Variants in RNPC3 observed in about 807,000 individuals in gnomAD.
RNPC3 encodes RNA binding region (RNP1, RRM) containing 3.
A neutral mutation model predicts 67.5 loss-of-function variants in RNPC3; 48 were observed. That is an observed-to-expected ratio of 0.71 (90% CI 0.56 to 0.90). The LOEUF is 0.90. Ranked by LOEUF, RNPC3 falls within the 40% of genes least tolerant of loss-of-function variation. The pLI, the probability that RNPC3 is intolerant of heterozygous loss-of-function variation, is 0.00. For synonymous variants in RNPC3, 239 were observed against 210.3 expected (o/e 1.14, Z -1.18); for missense variants, 637 against 626.1 (o/e 1.02, Z -0.19).
chr1:103,533,118 T>C (rs1025187172), intron 2 of RNPC3, among the ~76,000 whole-genome samples: 12 of 151,840 alleles, frequency 7.9e-5, no homozygotes, highest in Non-Finnish European at 1.5e-4. Context: ...GATGAGAGGA[T>C]GGAATTTAGT....
chr1:103,533,914 T>A (rs1650923970), intron 3 of RNPC3, 57 bp downstream of exon 3: 2 of 921,050 alleles, frequency 2.2e-6, no homozygotes, highest in Admixed American at 4.3e-5. Flanking sequence ...TGTGTTTTTT[T>A]AAATCAGTTA....
At chr1:103,541,300 C>T (rs1321326950) in intron 7 of RNPC3, 50 bp from the exon 8 acceptor site, 3 of 1,378,100 alleles carry the variant, frequency 2.2e-6, no homozygotes, top group African/African-American at 1.5e-5. Context: ...TGGTAAATAG[C>T]TATGCTTCTA....
chr1:103,542,183 A>G (rs762157111), intron 8 of RNPC3, among the ~76,000 whole-genome samples: 1 of 152,056 alleles, frequency 6.6e-6, no homozygotes, highest in Non-Finnish European at 1.5e-5. Context: ...AATATAAACT[A>G]AGAACTAAAA....
At position 103,537,419 on chromosome 1, in the gene RNPC3, C is replaced by T. The variant is rs373065876; in HGVS notation, c.702C>T (p.Asp234=). The T allele has an allele frequency of 3.8e-5, 58 of 1,535,842 alleles. No individual in the cohort carries two copies. Among genetic ancestry groups the T allele is most frequent in the Middle Eastern group, 1.7e-4 (1 of 5,840 alleles). ...PQPPEEPPLP[D]EDEELSSEES... ...CACCTGAGGAACCTCCTTTGCCAGACGAGGATGAGGAATTATCTAGTGAAG... is the reference window on the plus strand; with the variant it reads ...CACCTGAGGAACCTCCTTTGCCAGATGAGGATGAGGAATTATCTAGTGAAG... The change falls in exon 7 of 15, where the codon GAC becomes GAT. Residue 234 remains aspartate (D), a synonymous_variant. Transcript: ENST00000423855.
intron 6 of RNPC3, among the ~76,000 whole-genome samples, 175 bp from the exon 7 acceptor site, chr1:103,537,167 C>A (rs1463459090): frequency 6.7e-6 from 1 of 150,162 alleles, no homozygotes; most frequent in African/African-American, 2.5e-5. Flanking sequence ...GAAGAAGAGA[C>A]AAATTTTGTC....
At chr1:103,553,079 TG>T (rs900728021) in intron 14 of RNPC3, among the ~76,000 whole-genome samples, 1 of 152,178 alleles carries the variant, frequency 6.6e-6, no homozygotes, top group African/African-American at 2.4e-5. Flanking sequence ...GGGAAAATTT[TG>T]TTTAATATTT....
chr1:103,536,617 G>T (rs1650994115), intron 6 of RNPC3, among the ~76,000 whole-genome samples: 1 of 152,238 alleles, frequency 6.6e-6, no homozygotes, highest in Non-Finnish European at 1.5e-5. Flanking sequence ...ACCTGCTCTT[G>T]AATAATTTTA....
chr1:103,526,058 T>C lies in RNPC3; in HGVS notation c.-13T>C, dbSNP rs41299553. On this transcript the variant is annotated 5_prime_UTR_variant, in exon 1 of 15. Coordinates refer to ENST00000423855, the MANE Select transcript of RNPC3 (RefSeq NM_017619.4). ...TTCTTCCCACGATTTCTGTTTTTGC[T>C]TCTCCAAGGAAAATGGCAGCTCCCG... The C allele has an allele frequency of 8.1e-3, 12,226 of 1,509,106 alleles. 85 individuals are homozygous for C. The highest frequency in any genetic ancestry group is 9.3e-3 in the Non-Finnish European group (10,472 of 1,120,818). 93.5% of individuals were successfully genotyped at this position (1,509,106 alleles called of 1,614,324 possible).
At chr1:103,530,381 C>G (rs1044899221) in intron 2 of RNPC3, among the ~76,000 whole-genome samples, 1 of 151,922 alleles carries the variant, frequency 6.6e-6, no homozygotes, top group Admixed American at 6.6e-5. Flanking sequence ...TTGAAGGATG[C>G]GAAGGGAGTT....
chr1:103,551,146 TA>T, intron 13 of RNPC3, 73 bp downstream of exon 13: 2 of 1,327,960 alleles, frequency 1.5e-6, no homozygotes, highest in Non-Finnish European at 2.0e-6. Flanking sequence ...ATTTTCATGT[TA>T]CCCTTTAGAA....
intron 2 of RNPC3, among the ~76,000 whole-genome samples, chr1:103,531,149 T>C (rs1333553907): frequency 6.6e-6 from 1 of 152,220 alleles, no homozygotes; most frequent in Non-Finnish European, 1.5e-5. Context: ...TCCCATTCCA[T>C]CTAGGTTGCT....
chr1:103,553,016 C>T (rs555563987), intron 14 of RNPC3, among the ~76,000 whole-genome samples: 26 of 152,032 alleles, frequency 1.7e-4, no homozygotes, highest in Non-Finnish European at 3.1e-4. Context: ...TAAAAGAACA[C>T]GAAGTAATTG....
At chr1:103,553,903 A>C (rs1342467291) in intron 14 of RNPC3, 1 of 152,106 alleles carries the variant, frequency 6.6e-6, no homozygotes, top group Admixed American at 6.5e-5. Context: ...AGCGTAATAG[A>C]GGGGAGAACA....
intron 9 of RNPC3, among the ~76,000 whole-genome samples, chr1:103,543,907 A>T (rs142153070): frequency 6.6e-6 from 1 of 151,740 alleles, no homozygotes; most frequent in Non-Finnish European, 1.5e-5. Context: ...TGCCAAGAAT[A>T]CTATTCTTAA....
In RNPC3 at chr1:103,551,161, T is replaced by C. The variant is rs1017389719; in HGVS notation, c.1494+88T>C. 4 of 1,164,004 alleles carry C rather than the reference T, an allele frequency of 3.4e-6. No individual in the cohort carries two copies. In the African/African-American group the frequency reaches 6.3e-5, roughly 18 times the overall value. 72.1% of individuals were successfully genotyped at this position (1,164,004 alleles called of 1,614,324 possible). A position where few individuals can be genotyped will look rare whatever the true frequency, so the allele number is the denominator to read the frequency against. On this transcript the variant is annotated intron_variant, in intron 13 of 14. Transcript: ENST00000423855. ...ATTTTCATGTTACCCTTTAGAAATTTCCACAATTGGCATTCTAGCAGTAGA... is the reference window on the plus strand; with the variant it reads ...ATTTTCATGTTACCCTTTAGAAATTCCCACAATTGGCATTCTAGCAGTAGA...
intron 12 of RNPC3, 146 bp from the exon 13 acceptor site, chr1:103,550,795 A>T (rs1212899324): frequency 1.4e-6 from 1 of 725,230 alleles, no homozygotes; most frequent in Non-Finnish European, 2.3e-6. Context: ...AACATGAAAT[A>T]TATTTTTAGA....
intron 9 of RNPC3, among the ~76,000 whole-genome samples, chr1:103,544,182 G>T (rs1303045627): frequency 6.6e-6 from 1 of 151,744 alleles, no homozygotes; most frequent in East Asian, 1.9e-4. Context: ...GTGTTTGTGT[G>T]TGTGTATGTA....
chr1:103,548,898 G>A (rs528173087), intron 12 of RNPC3, among the ~76,000 whole-genome samples: 2 of 152,298 alleles, frequency 1.3e-5, no homozygotes, highest in African/African-American at 4.8e-5. Context: ...GGAGGGCAAG[G>A]AGGAGCAAGT....
In RNPC3 at chr1:103,543,254, T is replaced by C. The variant is rs1194465693; in HGVS notation, c.894-42T>C. On this transcript the variant is annotated intron_variant, in intron 8 of 14. Transcript: ENST00000423855. ...TGAAATAATATTTTACTCAGGATTT[T>C]ATTTGCAATTACAAACTAATGCTAT... is the stretch of plus-strand genomic sequence containing the variant. The C allele has an allele frequency of 2.3e-6, 3 of 1,305,108 alleles. No homozygotes were observed. The African/African-American group carries it at 4.6e-5, about 20-fold the overall frequency. The allele number at this position is 1,305,108 out of a possible 1,614,324, so 80.8% of individuals were successfully genotyped here. A position where few individuals can be genotyped will look rare whatever the true frequency, so the allele number is the denominator to read the frequency against.
Sources: gnomAD v4.1 joint callset for allele counts (sites outside exome capture counted in the v4.1 genomes callset) on GRCh38, gnomAD v4.1.1 for gene constraint, MANE v1.5 for transcripts, NCBI Gene and HGNC (gene_info 2026-07-23, HGNC 2026-07-21) for gene names.